KCTD3: variants seen among roughly 807,000 people sequenced by gnomAD.
KCTD3 encodes BTB/POZ domain-containing protein KCTD3.
Under a neutral mutation model 85.8 loss-of-function variants are expected in KCTD3, and 41 were observed. The ratio of observed to expected loss-of-function variants is 0.48; its 90% CI spans 0.37 to 0.62. KCTD3 has a LOEUF of 0.62. Ranked by LOEUF, KCTD3 falls within the 20% of genes least tolerant of loss-of-function variation. KCTD3 has a pLI of 0.00. For synonymous variants in KCTD3, 338 were observed against 345.4 expected, an observed-to-expected ratio of 0.98 and a Z score of 0.24; for missense variants, 724 against 989.9, an observed-to-expected ratio of 0.73 and a Z score of 3.60.
Position 215,567,597 on chromosome 1 carries a change from A to T in KCTD3, c.-89A>T, listed in dbSNP as rs924203443. 8.9e-5 allele frequency: 63 copies of T among 711,802 alleles called. No individual in the cohort carries two copies. The East Asian group carries it at 2.8e-3, about 31-fold the overall frequency. The allele number at this position is 711,802 out of a possible 1,614,324, so 44.1% of individuals were successfully genotyped here. On this transcript the variant is annotated 5_prime_UTR_variant, in exon 1 of 18. Coordinates refer to ENST00000259154, the MANE Select transcript of KCTD3 (RefSeq NM_016121.5). ...GCCGCCGCCGCCCCGCTGGCCCTGC[A>T]GCCGTCGCCGCTGCCTCGGGCTACA...
rs1196843974 is a variant in KCTD3 at position 215,592,157 on chromosome 1, G to A, written c.818-3199G>A. Among the ~76,000 whole-genome samples, 6 of 152,142 alleles carry A rather than the reference G, an allele frequency of 3.9e-5. No homozygotes were observed. In the East Asian group the frequency reaches 1.2e-3, roughly 29 times the overall value. ...CATGGGGTTCCTCTCACAACACCTGGGAACTACAGGAGCTACAAGATGAGA... is the reference window on the plus strand; with the variant it reads ...CATGGGGTTCCTCTCACAACACCTGAGAACTACAGGAGCTACAAGATGAGA... On this transcript the variant is annotated intron_variant, in intron 9 of 17. Transcript: ENST00000259154.
At chr1:215,613,354 AT>A (rs1394613982) in intron 15 of KCTD3, among the ~76,000 whole-genome samples, 2 of 152,002 alleles carry the variant, frequency 1.3e-5, no homozygotes, top group African/African-American at 4.8e-5. Flanking sequence ...TAATGGAGTC[AT>A]GTTTTACTTG....
At chr1:215,587,557 T>C (rs956644758) in intron 9 of KCTD3, among the ~76,000 whole-genome samples, 20 of 152,230 alleles carry the variant, frequency 1.3e-4, no homozygotes, top group Non-Finnish European at 2.6e-4. Flanking sequence ...AACCTCATTT[T>C]CCAAAAATGT....
chr1:215,620,521 C>G lies in KCTD3; in HGVS notation c.2351C>G (p.Thr784Ser). ...TCACCAAGTACTTCCGATGGAGGAA[C>G]TGACTCACCTGGTACTGCGTCCCCA... is the stretch of plus-strand genomic sequence containing the variant. ...ASSPSTSDGG[T>S]DSPGTASPSP... Residue 784 changes from threonine to serine, a missense_variant, in exon 18 of 18, where the codon ACT (threonine) becomes AGT (serine). Physicochemically the swap from Thr to Ser is moderately conservative, Grantham distance 58. This residue lies in a region of KCTD3 where 222 missense variants were observed against 217.7 expected (regional missense o/e 1.02). Transcript: ENST00000259154. 1 of 1,613,766 alleles carries G rather than the reference C, an allele frequency of 6.2e-7. No homozygotes were observed. Among genetic ancestry groups the G allele is most frequent in the Non-Finnish European group, 8.5e-7 (1 of 1,179,700 alleles).
intron 15 of KCTD3, chr1:215,618,328 A>G (rs752778140): frequency 2.7e-5 from 5 of 184,002 alleles, no homozygotes; most frequent in Non-Finnish European, 5.9e-5. Flanking sequence ...TGTCCGGCCT[A>G]CTAGGAAGCT....
At position 215,586,685 on chromosome 1, in the gene KCTD3, G is replaced by C; in HGVS notation, c.817G>C (p.Gly273Arg). The C allele has an allele frequency of 6.2e-7, 1 of 1,604,264 alleles. No individual in the cohort carries two copies. Among genetic ancestry groups the C allele is most frequent in the Non-Finnish European group, 8.5e-7 (1 of 1,173,894 alleles). The change falls in exon 9 of 18, where the codon GGA (glycine) becomes CGA (arginine). Residue 273 changes from glycine to arginine, a missense_variant and splice_region_variant. By Grantham distance (125) the Gly-to-Arg change is moderately radical. Transcript: ENST00000259154. ...VQDGGSGSEIGVFSLGVPVDA... is the reference protein window; with the variant it reads ...VQDGGSGSEIRVFSLGVPVDA... ...GGATGGGGGAAGTGGAAGTGAAATT[G>C]GTAGGAAGAATCTTGTTTATGTTGC... is the stretch of plus-strand genomic sequence containing the variant.
Position 215,595,459 on chromosome 1 carries a change from T to G in KCTD3, c.921T>G (p.Thr307=). ...AAGTGGGAGTGTGGAATGCTGTCAC[T>G]CAGCACTGGCAGGTTAGTTTAAAGC... ...TGKVGVWNAV[T]QHWQVQDVVP... is the part of the protein sequence containing the mutation. Residue 307 remains threonine, a synonymous_variant, in exon 10 of 18, where the codon ACT becomes ACG. Coordinates refer to ENST00000259154, the MANE Select transcript of KCTD3 (RefSeq NM_016121.5). The G allele has an allele frequency of 6.3e-7, 1 of 1,597,754 alleles. No individual in the cohort carries two copies. Among genetic ancestry groups the G allele is most frequent in the Non-Finnish European group, 8.6e-7 (1 of 1,165,230 alleles).
intron 5 of KCTD3, 123 bp from the exon 6 acceptor site, chr1:215,577,878 A>C: frequency 3.5e-6 from 5 of 1,430,764 alleles, no homozygotes; most frequent in Middle Eastern, 1.9e-4. Context: ...GATGTTGTCA[A>C]CTCTGACTTA....
intron 9 of KCTD3, 117 bp from the exon 10 acceptor site, chr1:215,595,239 A>G: frequency 1.5e-6 from 1 of 659,288 alleles, no homozygotes; most frequent in South Asian, 1.8e-5. Context: ...CGTATAGCAC[A>G]TAGTTTGTAG....
At chr1:215,607,864 T>C (rs533153879) in intron 13 of KCTD3, among the ~76,000 whole-genome samples, 153 bp from the exon 14 acceptor site, 1 of 152,168 alleles carries the variant, frequency 6.6e-6, no homozygotes, top group African/African-American at 2.4e-5. Flanking sequence ...TTTCTCACTT[T>C]TGTTAAGTAG....
rs1175382613 is a variant in KCTD3 at position 215,620,174 on chromosome 1, T to C, written c.2004T>C (p.Tyr668=). The change falls in exon 18 of 18, where the codon TAT becomes TAC. Residue 668 remains tyrosine, a synonymous_variant. Transcript: ENST00000259154. ...RARRTESFHS[Y]RDFQTINLNR... is the part of the protein sequence containing the mutation. ...GAAGGACTGAGAGCTTTCACAGTTATAGGGACTTCCAGACTATTAATTTGA... is the reference window on the plus strand; with the variant it reads ...GAAGGACTGAGAGCTTTCACAGTTACAGGGACTTCCAGACTATTAATTTGA... 8.1e-6 allele frequency: 13 copies of C among 1,613,804 alleles called. No homozygotes were observed. The highest frequency in any genetic ancestry group is 5.3e-5 in the African/African-American group (4 of 74,928).
At chr1:215,601,603 G>A (rs145734442) in intron 10 of KCTD3, among the ~76,000 whole-genome samples, 4 of 152,178 alleles carry the variant, frequency 2.6e-5, no homozygotes, top group Middle Eastern at 3.4e-3. Flanking sequence ...ACAACCAATC[G>A]AAATTGAGAA....
rs1183087172 is a variant in KCTD3, at chr1:215,618,925, C to T, written c.1602C>T (p.Ser534=). ...EIQAVDCTTI[S]SFTVRECEGS... is the part of the protein sequence containing the mutation. ...AGGCTGTTGACTGTACTACAATATC[C>T]TCATTTACAGTGAGGGAATGTGAGG... The change falls in exon 16 of 18, where the codon TCC becomes TCT. Residue 534 remains serine (S), a synonymous_variant. Transcript: ENST00000259154. 6.2e-7 allele frequency: 1 copy of T among 1,612,880 alleles called. No homozygotes were observed. Among genetic ancestry groups the T allele is most frequent in the Admixed American group, 1.7e-5 (1 of 59,694 alleles).
intron 9 of KCTD3, among the ~76,000 whole-genome samples, chr1:215,594,319 A>G (rs888120305): frequency 6.6e-6 from 1 of 152,204 alleles, no homozygotes; most frequent in Non-Finnish European, 1.5e-5. Flanking sequence ...TCTGCTAAAG[A>G]GAGACAAGTG....
chr1:215,598,069 T>C (rs889839062), intron 10 of KCTD3, among the ~76,000 whole-genome samples: 2 of 152,016 alleles, frequency 1.3e-5, no homozygotes, highest in Admixed American at 1.3e-4. Flanking sequence ...AAGTATTAAG[T>C]TAATTGACTA....
intron 13 of KCTD3, 75 bp downstream of exon 13, chr1:215,604,377 G>A: frequency 1.8e-6 from 2 of 1,117,306 alleles, no homozygotes; most frequent in South Asian, 2.9e-5. Context: ...AAAACGCAGT[G>A]TTTATGTGAG....
At chr1:215,607,029 G>A (rs1312404895) in intron 13 of KCTD3, among the ~76,000 whole-genome samples, 2 of 151,880 alleles carry the variant, frequency 1.3e-5, no homozygotes, top group Non-Finnish European at 1.5e-5. Context: ...TCTAATAATT[G>A]AGAATTTTGT....
chr1:215,612,475 T>C (rs907178844), intron 15 of KCTD3, among the ~76,000 whole-genome samples: 1 of 152,154 alleles, frequency 6.6e-6, no homozygotes, highest in Admixed American at 6.5e-5. Context: ...TCCGTGAGAG[T>C]AGGATTCCTG....
chr1:215,617,633 G>A (rs1331245709), intron 15 of KCTD3, among the ~76,000 whole-genome samples: 3 of 151,720 alleles, frequency 2.0e-5, no homozygotes, highest in Admixed American at 1.3e-4. Flanking sequence ...GGGGATAGCT[G>A]ACCTCTCTCT....
Sources: gnomAD v4.1 joint callset for allele counts (sites outside exome capture counted in the v4.1 genomes callset) on GRCh38, gnomAD v4.1.1 for gene constraint, gnomAD v4.1.1 regional missense constraint, MANE v1.5 for transcripts, NCBI Gene and HGNC (gene_info 2026-07-23, HGNC 2026-07-21) for gene names.